The following ARHGAP32 variants were observed in gnomAD, a reference collection of about 807,000 sequenced individuals.
ARHGAP32 encodes the protein rho GTPase-activating protein 32.
A neutral mutation model predicts 186.5 loss-of-function variants in ARHGAP32; 51 were observed. The ratio of observed to expected loss-of-function variants is 0.27; its 90% CI spans 0.22 to 0.35. ARHGAP32 has a LOEUF of 0.35. Among genes scored for constraint, ARHGAP32 ranks in the 10% least tolerant of loss-of-function variants. The pLI, the probability that ARHGAP32 is intolerant of heterozygous loss-of-function variation, is 1.00. For synonymous variants in ARHGAP32, 950 were observed against 964.3 expected (o/e 0.99, Z 0.27); for missense variants, 2,186 against 2,623.5 (o/e 0.83, Z 3.64).
chr11:128,972,415 T>G (rs1008709743), intron 22 of ARHGAP32, 38 bp downstream of exon 22: 2 of 1,496,170 alleles, frequency 1.3e-6, no homozygotes, highest in Non-Finnish European at 1.8e-6. Flanking sequence ...CCTTTGGTAA[T>G]AGTATATTTC....
intron 1 of ARHGAP32, among the ~76,000 whole-genome samples, chr11:129,234,900 G>A (rs1944908234): frequency 6.6e-6 from 1 of 152,080 alleles, no homozygotes; most frequent in South Asian, 2.1e-4. Context: ...AGTTTACCAG[G>A]CTTTTAAGTA....
intron 6 of ARHGAP32, among the ~76,000 whole-genome samples, chr11:129,080,017 T>C (rs1941174421): frequency 6.6e-6 from 1 of 152,164 alleles, no homozygotes; most frequent in African/African-American, 2.4e-5. Flanking sequence ...AGCGACATTA[T>C]ATAATGATAA....
At chr11:129,220,312 G>A (rs1944696529) in intron 1 of ARHGAP32, among the ~76,000 whole-genome samples, 1 of 152,060 alleles carries the variant, frequency 6.6e-6, no homozygotes, top group South Asian at 2.1e-4. Flanking sequence ...CAAAAGGAAG[G>A]GTCTGTATAC....
intron 1 of ARHGAP32, among the ~76,000 whole-genome samples, chr11:129,182,022 G>A (rs570183330): frequency 2.7e-3 from 404 of 152,254 alleles, no homozygotes; most frequent in African/African-American, 9.2e-3. Context: ...CTGCTTCTTA[G>A]TAGGTTTACA....
Position 129,081,138 on chromosome 11 carries a change from A to G in ARHGAP32, c.531+12483T>C, listed in dbSNP as rs189799333. On this transcript the variant is annotated intron_variant, in intron 6 of 22. Coordinates refer to ENST00000682385, the MANE Select transcript of ARHGAP32 (RefSeq NM_001378024.1). ...AATTTTAAAAACTGCCAACAAAAAA[A>G]AGTCCAGGACCAGATGGATTCACAG... 8.5e-5 allele frequency among the ~76,000 whole-genome samples: 13 copies of G among 152,202 alleles called. No homozygotes were observed. The East Asian group carries it at 1.9e-3, about 23-fold the overall frequency.
At chr11:129,166,297 G>T (rs1214270285) in intron 1 of ARHGAP32, among the ~76,000 whole-genome samples, 1 of 152,026 alleles carries the variant, frequency 6.6e-6, no homozygotes, top group Non-Finnish European at 1.5e-5. Flanking sequence ...TGATGACAGA[G>T]ATAAGGGAGA....
At chr11:128,975,083 A>G in intron 20 of ARHGAP32, 81 bp from the exon 21 acceptor site, 1 of 1,134,634 alleles carries the variant, frequency 8.8e-7, no homozygotes, top group Middle Eastern at 2.1e-4. Context: ...TCAGCACAGC[A>G]GTAACTTACT....
intron 1 of ARHGAP32, among the ~76,000 whole-genome samples, chr11:129,223,327 C>G (rs144582098): frequency 2.6e-5 from 4 of 152,276 alleles, no homozygotes; most frequent in African/African-American, 9.6e-5. Context: ...TATCATTAGC[C>G]AACTACATAA....
chr11:129,099,173 G>T (rs1363003561), intron 5 of ARHGAP32, among the ~76,000 whole-genome samples: 1 of 152,178 alleles, frequency 6.6e-6, no homozygotes, highest in Non-Finnish European at 1.5e-5. Flanking sequence ...ACAGGGATTG[G>T]CAGAATAACA....
chr11:128,993,766 A>G (rs1446319090), intron 12 of ARHGAP32, among the ~76,000 whole-genome samples: 4 of 151,262 alleles, frequency 2.6e-5, no homozygotes, highest in Non-Finnish European at 4.4e-5. Context: ...ATCATGGCTC[A>G]CTGTATCCTG....
intron 11 of ARHGAP32, among the ~76,000 whole-genome samples, chr11:129,003,244 G>A (rs1937613696): frequency 6.6e-6 from 1 of 152,138 alleles, no homozygotes; most frequent in Non-Finnish European, 1.5e-5. Flanking sequence ...AATCCCACTT[G>A]GCCATGATGA....
chr11:129,121,215 C>T (rs779487195), intron 5 of ARHGAP32, among the ~76,000 whole-genome samples: 9 of 151,618 alleles, frequency 5.9e-5, no homozygotes, highest in Non-Finnish European at 1.2e-4. Context: ...ATCAGTCCAT[C>T]AAAATGTAAA....
chr11:129,112,177 A>G (rs1942239158), intron 5 of ARHGAP32, among the ~76,000 whole-genome samples: 1 of 151,956 alleles, frequency 6.6e-6, no homozygotes, highest in Non-Finnish European at 1.5e-5. Context: ...CAGGAGGCAG[A>G]GGTTGCAGTG....
chr11:129,221,923 C>T (rs542767012), intron 1 of ARHGAP32, among the ~76,000 whole-genome samples: 1 of 152,264 alleles, frequency 6.6e-6, no homozygotes, highest in Admixed American at 6.5e-5. Flanking sequence ...ACACTCGAAT[C>T]TTCTCTTTCC....
chr11:129,061,703 C>T lies in ARHGAP32; in HGVS notation c.963+577G>A, dbSNP rs183991766. The stretch of plus-strand genomic sequence containing the variant: ...AGAGATTTTATCACACTACTCAGAA[C>T]AGCATGCAGTTTAAAATTTATGAAT... On this transcript the variant is annotated intron_variant, in intron 10 of 22. Transcript: ENST00000682385. Among the ~76,000 whole-genome samples, 198 of 152,228 alleles carry T rather than the reference C, an allele frequency of 1.3e-3. 1 individual carries two copies. The highest frequency in any genetic ancestry group is 3.2e-3 in the Admixed American group (49 of 15,292).
At chr11:129,107,004 C>T (rs145190867) in intron 5 of ARHGAP32, among the ~76,000 whole-genome samples, 2 of 152,082 alleles carry the variant, frequency 1.3e-5, no homozygotes, top group East Asian at 1.9e-4. Flanking sequence ...CACCAAGACA[C>T]ACTATAATCA....
intron 1 of ARHGAP32, among the ~76,000 whole-genome samples, chr11:129,276,029 C>G (rs1945525180): frequency 6.6e-6 from 1 of 152,242 alleles, no homozygotes; most frequent in African/African-American, 2.4e-5. Context: ...GTAGTCCCAG[C>G]TGCTCAGGAG....
At chr11:129,004,183 T>C (rs1320420234) in intron 11 of ARHGAP32, among the ~76,000 whole-genome samples, 1 of 151,966 alleles carries the variant, frequency 6.6e-6, no homozygotes, top group African/African-American at 2.4e-5. Flanking sequence ...AAATTCCTTG[T>C]TACTGATTTC....
At chr11:129,278,975 G>A (rs932532103) in intron 1 of ARHGAP32, among the ~76,000 whole-genome samples, 4 of 147,778 alleles carry the variant, frequency 2.7e-5, no homozygotes, top group African/African-American at 9.8e-5. Flanking sequence ...AGGCCGGGGA[G>A]ATGGGGCCGG....
Sources: gnomAD v4.1 joint callset for allele counts (sites outside exome capture counted in the v4.1 genomes callset) on GRCh38, gnomAD v4.1.1 for gene constraint, MANE v1.5 for transcripts, NCBI Gene and HGNC (gene_info 2026-07-23, HGNC 2026-07-21) for gene names.